The following BUB1 variants were observed in gnomAD, a reference collection of about 807,000 sequenced individuals.
The protein encoded by BUB1 is BUB1 mitotic checkpoint serine/threonine kinase.
A neutral mutation model predicts 135.2 loss-of-function variants in BUB1; 84 were observed. The observed-to-expected ratio is 0.62, with a 90% CI of 0.52 to 0.74. The LOEUF (loss-of-function observed/expected upper bound fraction) is 0.74. Among genes scored for constraint, BUB1 ranks in the 30% least tolerant of loss-of-function variants. The pLI is 0.00. For missense variants in BUB1, 1,162 were observed against 1,288.3 expected (o/e 0.90, Z 1.50); for synonymous variants, 403 against 434.4 (o/e 0.93, Z 0.90).
At chr2:110,671,907 G>A (rs1284097652) in intron 4 of BUB1, among the ~76,000 whole-genome samples, 1 of 152,164 alleles carries the variant, frequency 6.6e-6, no homozygotes, top group Non-Finnish European at 1.5e-5. Context: ...TTTTAAAAAT[G>A]TGAACAATGT....
rs947180138 is a variant in BUB1 at position 110,661,580 on chromosome 2, ACCC to A, written c.1216_1217+1del. ...TGATCTCTAGGACTACCTTCAGCTT[ACCC>A]AGCATCTTTGCTGGCCACTGCAAAC... On this transcript the variant is annotated splice_donor_variant and coding_sequence_variant, in exon 10 of 25. Transcript: ENST00000302759. LOFTEE classifies it high-confidence loss of function. 11 of 1,613,618 alleles carry A rather than the reference ACCC, an allele frequency of 6.8e-6. No individual in the cohort carries two copies. Among genetic ancestry groups the A allele is most frequent in the Admixed American group, 1.7e-5 (1 of 59,982 alleles).
Position 110,673,778 on chromosome 2 carries a change from T to C in BUB1, c.225+308A>G, listed in dbSNP as rs538878428. On this transcript the variant is annotated intron_variant, in intron 3 of 24. Transcript: ENST00000302759. ...CATGCCCAGTTAATTTTTGTATTTT[T>C]AGTAGAGACAGGATTTTACCACGTT... Among the ~76,000 whole-genome samples, 36 of 152,204 alleles carry C rather than the reference T, an allele frequency of 2.4e-4. 2 individuals are homozygous for C. The South Asian group carries it at 7.3e-3, about 31-fold the overall frequency.
At position 110,650,749 on chromosome 2, in the gene BUB1, G is replaced by A. The variant is rs975621280; in HGVS notation, c.2000C>T (p.Ser667Leu). ...TAAGGATGCTGAATACATGTGAGACGACAAGGCCTGTTTTGGGCTTTTCTC... is the reference window on the plus strand; with the variant it reads ...TAAGGATGCTGAATACATGTGAGACAACAAGGCCTGTTTTGGGCTTTTCTC... The part of the protein sequence containing the change: ...IQEKSPKQAL[S>L]SHMYSASLLR... The change falls in exon 18 of 25, where the codon TCG (serine) becomes TTG (leucine). Residue 667 changes from serine (S) to leucine (L), a missense_variant. Ser to Leu is a moderately radical substitution (Grantham distance 145, BLOSUM62 -2). Transcript: ENST00000302759. 4.3e-6 allele frequency: 7 copies of A among 1,613,862 alleles called. No homozygotes were observed. In the African/African-American group the frequency reaches 5.3e-5, roughly 12 times the overall value.
intron 4 of BUB1, 92 bp from the exon 5 acceptor site, chr2:110,670,660 A>G: frequency 7.6e-7 from 1 of 1,307,324 alleles, no homozygotes; most frequent in Non-Finnish European, 1.1e-6. Flanking sequence ...ACAACTTATT[A>G]TAAGCTAGTA....
chr2:110,641,987 GT>G (rs1192496478), intron 20 of BUB1, 131 bp downstream of exon 20: 2 of 1,015,420 alleles, frequency 2.0e-6, no homozygotes, highest in African/African-American at 3.3e-5. Flanking sequence ...ATCTTTTGTA[GT>G]TTTTGTTTTT....
At chr2:110,649,454 C>A (rs1689726732) in intron 18 of BUB1, 77 bp from the exon 19 acceptor site, 2 of 1,321,098 alleles carry the variant, frequency 1.5e-6, no homozygotes, top group Non-Finnish European at 2.1e-6. Flanking sequence ...AAATTATAGA[C>A]AAAGTGAGTA....
At chr2:110,661,863 CA>C in intron 9 of BUB1, 22 bp from the exon 10 acceptor site, 1 of 1,607,992 alleles carries the variant, frequency 6.2e-7, no homozygotes, top group African/African-American at 1.3e-5. Flanking sequence ...AACAAACAAA[CA>C]ACAAAAACAA....
At chr2:110,640,187 G>A (rs569675992) in intron 23 of BUB1, among the ~76,000 whole-genome samples, 2 of 152,212 alleles carry the variant, frequency 1.3e-5, no homozygotes, top group African/African-American at 4.8e-5. Flanking sequence ...GACTCTGGTC[G>A]TAGTTCTCTA....
Position 110,672,823 on chromosome 2 carries a change from T to G in BUB1, c.260A>C (p.Glu87Ala). Residue 87 changes from glutamate (E) to alanine (A), a missense_variant, in exon 4 of 25, where the codon GAG becomes GCG. Physicochemically the swap from Glu to Ala is moderately radical, Grantham distance 107 (BLOSUM62 -1). Transcript: ENST00000302759. ...TCCAATCCCATGGTTGTACAGAAAC[T>G]CAAAAAATTGATGGAGGTCACTGTT... ...EYNSDLHQFF[E>A]FLYNHGIGTL... The G allele has an allele frequency of 6.2e-7, 1 of 1,606,544 alleles. No homozygotes were observed. Among genetic ancestry groups the G allele is most frequent in the Non-Finnish European group, 8.5e-7 (1 of 1,177,836 alleles).
chr2:110,657,129 T>C lies in BUB1; in HGVS notation c.1617-12A>G. The stretch of plus-strand genomic sequence containing the variant: ...TAGGCTGTGGTAATCTAAGGAAAGA[T>C]TTGCTAAATTATAAATAGTAAAATA... On this transcript the variant is annotated splice_polypyrimidine_tract_variant and intron_variant, in intron 14 of 24. Coordinates refer to ENST00000302759, the MANE Select transcript of BUB1 (RefSeq NM_004336.5). The C allele has an allele frequency of 1.2e-6, 2 of 1,602,942 alleles. No homozygotes were observed. Among genetic ancestry groups the C allele is most frequent in the Non-Finnish European group, 1.7e-6 (2 of 1,172,696 alleles).
At chr2:110,669,226 G>A (rs749119088) in intron 6 of BUB1, among the ~76,000 whole-genome samples, 8 of 152,212 alleles carry the variant, frequency 5.3e-5, no homozygotes, top group East Asian at 1.9e-4. Flanking sequence ...ACAGGAGGCC[G>A]TGTGGTGAGG....
chr2:110,663,040 G>A (rs1219941231), intron 9 of BUB1, among the ~76,000 whole-genome samples: 1 of 152,182 alleles, frequency 6.6e-6, no homozygotes, highest in Non-Finnish European at 1.5e-5. Flanking sequence ...TAAGAAAGTT[G>A]GAGGCCGAGG....
chr2:110,660,181 G>T (rs1190678509), intron 10 of BUB1, 145 bp from the exon 11 acceptor site: 3 of 564,248 alleles, frequency 5.3e-6, no homozygotes, highest in East Asian at 6.6e-5. Context: ...AGACCAGCCT[G>T]GCCAATATGG....
chr2:110,638,032 T>C lies in BUB1; in HGVS notation c.3190A>G (p.Asn1064Asp). Residue 1064 changes from asparagine (N) to aspartate (D), a missense_variant, in exon 25 of 25, where the codon AAC becomes GAC. Coordinates refer to ENST00000302759, the MANE Select transcript of BUB1 (RefSeq NM_004336.5). ...LKKVFQQHYT[N>D]KIRALRNRLI... ...CTATTACGTAGGGCCCTAATCTTGTTAGTATAGTGTTGTTGAAATACTTTC... is the reference window on the plus strand; with the variant it reads ...CTATTACGTAGGGCCCTAATCTTGTCAGTATAGTGTTGTTGAAATACTTTC... The C allele has an allele frequency of 1.2e-6, 2 of 1,610,028 alleles. No homozygotes were observed. The highest frequency in any genetic ancestry group is 1.7e-6 in the Non-Finnish European group (2 of 1,178,400).
chr2:110,651,488 A>G (rs1202598442), intron 17 of BUB1, among the ~76,000 whole-genome samples: 1 of 152,256 alleles, frequency 6.6e-6, no homozygotes, highest in Admixed American at 6.5e-5. Context: ...GTGTTGTTAC[A>G]AAAGTCAAAA....
At chr2:110,669,085 G>A (rs1224101903) in intron 6 of BUB1, among the ~76,000 whole-genome samples, 3 of 152,184 alleles carry the variant, frequency 2.0e-5, no homozygotes, top group African/African-American at 7.2e-5. Flanking sequence ...TTGAGGCTCT[G>A]AGTTTTGAAA....
chr2:110,649,391 G>GAAAAAAAAAAAAAAAAAGAA lies in BUB1; in HGVS notation c.2204-15_2204-14insTTCTTTTTTTTTTTTTTTTT. ...CAACAATGAAGTCTTAAAGGAATGAGAAAAAAAAAAAAAAAGGGAACATGA... is the reference window on the plus strand; with the variant it reads ...CAACAATGAAGTCTTAAAGGAATGAGAAAAAAAAAAAAAAAAAGAAAAAAAAAAAAAAAAAGGGAACATGA... On this transcript the variant is annotated splice_polypyrimidine_tract_variant and intron_variant, in intron 18 of 24. Transcript: ENST00000302759. 1 of 1,127,648 alleles carries GAAAAAAAAAAAAAAAAAGAA rather than the reference G, an allele frequency of 8.9e-7. No homozygotes were observed. The allele number at this position is 1,127,648 out of a possible 1,614,324, so 69.9% of individuals were successfully genotyped here. A position where few individuals can be genotyped will look rare whatever the true frequency, so the allele number is the denominator to read the frequency against.
intron 4 of BUB1, among the ~76,000 whole-genome samples, chr2:110,671,145 C>A (rs1385802332): frequency 6.6e-6 from 1 of 152,180 alleles, no homozygotes; most frequent in African/African-American, 2.4e-5. Flanking sequence ...AAGTGGTAAC[C>A]CTTGTTGGCT....
chr2:110,649,391 G>GAAAAAAAAAAAAAAAAGAAAAAA lies in BUB1; in HGVS notation c.2204-15_2204-14insTTTTTTCTTTTTTTTTTTTTTTT. On this transcript the variant is annotated splice_polypyrimidine_tract_variant and intron_variant, in intron 18 of 24. Coordinates refer to ENST00000302759, the MANE Select transcript of BUB1 (RefSeq NM_004336.5). ...CAACAATGAAGTCTTAAAGGAATGA[G>GAAAAAAAAAAAAAAAAGAAAAAA]AAAAAAAAAAAAAAAGGGAACATGA... is the stretch of plus-strand genomic sequence containing the variant. The GAAAAAAAAAAAAAAAAGAAAAAA allele has an allele frequency of 8.9e-7, 1 of 1,127,646 alleles. No homozygotes were observed. 69.9% of individuals were successfully genotyped at this position (1,127,646 alleles called of 1,614,324 possible). A position where few individuals can be genotyped will look rare whatever the true frequency, so the allele number is the denominator to read the frequency against.
Sources: allele counts gnomAD v4.1 joint callset (sites outside exome capture counted in the v4.1 genomes callset), GRCh38; gene constraint gnomAD v4.1.1; transcripts MANE v1.5; gene names NCBI Gene and HGNC (gene_info 2026-07-23, HGNC 2026-07-21).